The following PRR5 variants were observed in gnomAD, a reference collection of about 807,000 sequenced individuals.
The protein encoded by PRR5 is proline-rich protein 5.
In PRR5, 25 loss-of-function variants were observed where a neutral mutation model predicts 30.6. That is an observed-to-expected ratio of 0.82 (90% CI 0.60 to 1.14). PRR5 has a LOEUF of 1.14. Ranked by LOEUF, PRR5 falls within the 50% of genes most tolerant of loss-of-function variation. The probability of loss-of-function intolerance (pLI) is 0.00; values close to 1 mark genes in which losing one functional copy is unlikely to be tolerated. For synonymous variants in PRR5, 286 were observed against 247.1 expected (o/e 1.16, Z -1.48); for missense variants, 600 against 547.1 (o/e 1.10, Z -0.96).
At chr22:44,725,199 G>T in intron 2 of PRR5, 45 bp from the exon 3 acceptor site, 1 of 1,610,302 alleles carries the variant, frequency 6.2e-7, no homozygotes, top group Non-Finnish European at 8.5e-7. Context: ...CCATGCCAGT[G>T]CCGTGTGGTC....
chr22:44,684,720 C>T (rs8138395), intron 1 of PRR5, among the ~76,000 whole-genome samples: 1 of 152,194 alleles, frequency 6.6e-6, no homozygotes, highest in African/African-American at 2.4e-5. Flanking sequence ...GGGCAGACAG[C>T]GGGTGTGGGT....
chr22:44,732,499 G>C, intron 6 of PRR5, 108 bp downstream of exon 6: 1 of 1,449,520 alleles, frequency 6.9e-7, no homozygotes, highest in Non-Finnish European at 9.2e-7. Flanking sequence ...CGAGACTTAA[G>C]GAAGGGCCCG....
chr22:44,729,855 A>G (rs1921609561), intron 4 of PRR5: 1 of 985,334 alleles, frequency 1.0e-6, no homozygotes, highest in Admixed American at 6.1e-5. Flanking sequence ...GCCGGTGCCC[A>G]GAGCCACCCC....
intron 1 of PRR5, chr22:44,679,890 C>T (rs1423441328): frequency 6.4e-7 from 1 of 1,573,390 alleles, no homozygotes; most frequent in Non-Finnish European, 8.6e-7. Context: ...GTACAGGTGC[C>T]ACTGTGCCGA....
At chr22:44,686,158 A>G (rs1379505741) in intron 1 of PRR5, among the ~76,000 whole-genome samples, 5 of 152,048 alleles carry the variant, frequency 3.3e-5, no homozygotes, top group Admixed American at 3.3e-4. Flanking sequence ...AGGCTGAGGC[A>G]CAAGAATCCT....
chr22:44,689,328 C>T (rs1181915568), intron 1 of PRR5, among the ~76,000 whole-genome samples: 2 of 152,184 alleles, frequency 1.3e-5, no homozygotes, highest in Non-Finnish European at 2.9e-5. Flanking sequence ...AGCTTGGTGA[C>T]TCATCTTCCC....
chr22:44,713,774 G>C (rs1049921687), intron 1 of PRR5, among the ~76,000 whole-genome samples: 2 of 152,200 alleles, frequency 1.3e-5, no homozygotes, highest in Non-Finnish European at 2.9e-5. Context: ...GAAAACGTTT[G>C]CCAGCTCCTG....
upstream of PRR5, among the ~76,000 whole-genome samples, chr22:44,701,094 C>T (rs1415707638): frequency 6.6e-6 from 1 of 152,180 alleles, no homozygotes; most frequent in East Asian, 1.9e-4. Flanking sequence ...GTTGGCCGGG[C>T]TGGTCTTGAA....
At chr22:44,727,757 T>C (rs965209096) in intron 4 of PRR5, among the ~76,000 whole-genome samples, 2 of 152,174 alleles carry the variant, frequency 1.3e-5, no homozygotes, top group East Asian at 1.9e-4. Context: ...AGGCCTGGCA[T>C]GTTCCAGGGG....
Position 44,737,276 on chromosome 22 carries a change from T to C in PRR5, c.*29T>C. 1 of 1,573,178 alleles carries C rather than the reference T, an allele frequency of 6.4e-7. No homozygotes were observed. The highest frequency in any genetic ancestry group is 8.7e-7 in the Non-Finnish European group (1 of 1,155,684). On this transcript the variant is annotated 3_prime_UTR_variant, in exon 8 of 8. Transcript: ENST00000336985. ...CTCACAGCTGGCCTTGAGTTTTTAC[T>C]GACACGTCCCTGTGTGCGGGGGTGT...
At chr22:44,713,826 C>T (rs1928628009) in intron 1 of PRR5, among the ~76,000 whole-genome samples, 4 of 152,342 alleles carry the variant, frequency 2.6e-5, no homozygotes, top group South Asian at 4.1e-4. Context: ...TTTTTTGAGA[C>T]GGACTGTTGC....
chr22:44,710,009 C>A (rs1351825260), intron 1 of PRR5, among the ~76,000 whole-genome samples: 1 of 152,134 alleles, frequency 6.6e-6, no homozygotes, highest in Non-Finnish European at 1.5e-5. Context: ...GGTACACCAC[C>A]CTGACCCCCT....
intron 2 of PRR5, among the ~76,000 whole-genome samples, chr22:44,723,510 A>G (rs1173478466): frequency 1.3e-5 from 2 of 152,006 alleles, no homozygotes; most frequent in Non-Finnish European, 2.9e-5. Context: ...ACCTCAGGTC[A>G]GGAGTTTGAG....
At chr22:44,680,998 G>A (rs1014820838) in intron 1 of PRR5, among the ~76,000 whole-genome samples, 7 of 152,216 alleles carry the variant, frequency 4.6e-5, no homozygotes, top group Non-Finnish European at 8.8e-5. Context: ...GCATTCCAGG[G>A]CCACGATTGT....
At chr22:44,674,638 G>A (rs970208654), upstream of PRR5, among the ~76,000 whole-genome samples, 6 of 151,572 alleles carry the variant, frequency 4.0e-5, no homozygotes, top group East Asian at 1.9e-4. Context: ...GGAGAATGGC[G>A]TGAACCCGGG....
intron 6 of PRR5, among the ~76,000 whole-genome samples, chr22:44,732,762 TAC>T (rs775410676): frequency 0.015 from 2,231 of 147,072 alleles, 64 homozygotes; most frequent in African/African-American, 0.053. Flanking sequence ...ACGCACACGC[TAC>T]ACACATGCCT....
chr22:44,723,017 G>A (rs570104721), intron 2 of PRR5, among the ~76,000 whole-genome samples: 22 of 147,198 alleles, frequency 1.5e-4, no homozygotes, highest in Admixed American at 8.2e-4. Flanking sequence ...ACAGAGACTC[G>A]CTCTGTCACC....
Position 44,730,452 on chromosome 22 carries a change from C to A in PRR5, c.323-1278C>A, listed in dbSNP as rs546494662. On this transcript the variant is annotated intron_variant, in intron 4 of 7. Transcript: ENST00000336985. ...AGTCCAGGCAGAAAGGCCAAGGGTT[C>A]TTCACGTTGCCTCTCCCACTGGAAC... The A allele has an allele frequency of 6.1e-6, 6 of 985,412 alleles. No individual in the cohort carries two copies. In the African/African-American group the frequency reaches 1.0e-4, roughly 17 times the overall value. The allele number at this position is 985,412 out of a possible 1,614,324, so 61.0% of individuals were successfully genotyped here.
At chr22:44,692,169 TCCCGGGGCTCCTCCA>T (rs1235948717) in intron 1 of PRR5, among the ~76,000 whole-genome samples, 2 of 150,826 alleles carry the variant, frequency 1.3e-5, no homozygotes, top group East Asian at 2.0e-4. Context: ...CTCCTCCTCC[TCCCGGGGCTCCTCCA>T]CCCGGGGCTC....
Sources: allele counts gnomAD v4.1 joint callset (sites outside exome capture counted in the v4.1 genomes callset), GRCh38; gene constraint gnomAD v4.1.1; transcripts MANE v1.5; gene names NCBI Gene and HGNC (gene_info 2026-07-23, HGNC 2026-07-21).